RPRD2: variants seen among roughly 807,000 people sequenced by gnomAD.
The protein encoded by RPRD2 is regulation of nuclear pre-mRNA domain-containing protein 2.
Under a neutral mutation model 104.4 loss-of-function variants are expected in RPRD2, and 12 were observed. The observed-to-expected ratio is 0.11, with a 90% CI of 0.07 to 0.19. The LOEUF is 0.19. Among genes scored for constraint, RPRD2 ranks in the 10% least tolerant of loss-of-function variants. RPRD2 has a pLI of 1.00. For synonymous variants in RPRD2, 714 were observed against 684.9 expected (o/e 1.04, Z -0.66); for missense variants, 1,543 against 1,790.1 (o/e 0.86, Z 2.49).
At chr1:150,466,831 A>G in intron 10 of RPRD2, among the ~76,000 whole-genome samples, 1 of 152,174 alleles carries the variant, frequency 6.6e-6, no homozygotes, top group East Asian at 1.9e-4. Context: ...TAAGTACCGT[A>G]GTATAATTAT....
chr1:150,364,194 C>T lies in RPRD2; in HGVS notation c.-521C>T, dbSNP rs1659644294. The stretch of plus-strand genomic sequence containing the variant: ...TATTGCGTTGCAAAAAAAATCCTGA[C>T]TAGGTAGCCTTGGACCTTTTCTGTG... On this transcript the variant is annotated 5_prime_UTR_variant, in exon 1 of 11. Coordinates refer to ENST00000369068, the MANE Select transcript of RPRD2 (RefSeq NM_015203.5). 6.6e-6 allele frequency among the ~76,000 whole-genome samples: 1 copy of T among 152,208 alleles called. No homozygotes were observed. The highest frequency in any genetic ancestry group is 1.9e-4 in the East Asian group (1 of 5,178).
chr1:150,446,374 A>G lies in RPRD2; in HGVS notation c.843A>G (p.Gln281=), dbSNP rs1553895500. ...ATGCTGGAATTTTCTATGAAGCACAATACAAAGAAGTAAAAGTGGTGGCTA... is the reference window on the plus strand; with the variant it reads ...ATGCTGGAATTTTCTATGAAGCACAGTACAAAGAAGTAAAAGTGGTGGCTA... The part of the protein sequence containing the change: ...LENAGIFYEA[Q]YKEVKVVANA... The change falls in exon 7 of 11, where the codon CAA becomes CAG. Residue 281 remains glutamine, a synonymous_variant. Coordinates refer to ENST00000369068, the MANE Select transcript of RPRD2 (RefSeq NM_015203.5). 6.2e-7 allele frequency: 1 copy of G among 1,600,520 alleles called. No homozygotes were observed. The highest frequency in any genetic ancestry group is 1.1e-5 in the South Asian group (1 of 88,270).
chr1:150,441,054 T>G (rs1553894326), intron 3 of RPRD2, 31 bp downstream of exon 3: 1 of 1,115,888 alleles, frequency 9.0e-7, no homozygotes, highest in Non-Finnish European at 1.3e-6. Flanking sequence ...TAAAAGAAAA[T>G]TTTTGAGTCA....
intron 7 of RPRD2, among the ~76,000 whole-genome samples, chr1:150,455,513 G>A (rs1397316280): frequency 1.3e-5 from 2 of 149,010 alleles, no homozygotes; most frequent in South Asian, 2.1e-4. Flanking sequence ...AAAAAAAAAA[G>A]AAAGAAAGTC....
intron 2 of RPRD2, among the ~76,000 whole-genome samples, chr1:150,432,627 A>AT (rs1553892105): frequency 8.1e-6 from 1 of 123,928 alleles, no homozygotes; most frequent in African/African-American, 3.0e-5. Context: ...TAAGAAAATG[A>AT]TAAAAAAAAA....
At chr1:150,446,104 A>G in intron 6 of RPRD2, 122 bp from the exon 7 acceptor site, 3 of 576,234 alleles carry the variant, frequency 5.2e-6, no homozygotes, top group Non-Finnish European at 8.9e-6. Context: ...AGAGTATTAG[A>G]GTACTGCACA....
chr1:150,458,996 G>A (rs1376823603), intron 8 of RPRD2, among the ~76,000 whole-genome samples: 1 of 152,050 alleles, frequency 6.6e-6, no homozygotes, highest in African/African-American at 2.4e-5. Context: ...TACATATGTG[G>A]CATATGTGGC....
intron 6 of RPRD2, among the ~76,000 whole-genome samples, chr1:150,445,705 A>G (rs1553895361): frequency 6.6e-6 from 1 of 152,184 alleles, no homozygotes; most frequent in African/African-American, 2.4e-5. Context: ...GCAGGTTCAC[A>G]TGAGTCTGTT....
At position 150,457,455 on chromosome 1, in the gene RPRD2, C is replaced by T; in HGVS notation, c.1038C>T (p.Ser346=). Residue 346 remains serine (S), a synonymous_variant, in exon 8 of 11, where the codon TCC becomes TCT. Coordinates refer to ENST00000369068, the MANE Select transcript of RPRD2 (RefSeq NM_015203.5). ...SPFQGMGGEE[S]QSPTMESEKS... is the part of the protein sequence containing the mutation. ...TTCAGGGAATGGGAGGTGAGGAATC[C>T]CAGTCACCAACCATGGAGAGTGAGA... 6.2e-7 allele frequency: 1 copy of T among 1,613,826 alleles called. No homozygotes were observed. Among genetic ancestry groups the T allele is most frequent in the Non-Finnish European group, 8.5e-7 (1 of 1,179,834 alleles).
intron 2 of RPRD2, among the ~76,000 whole-genome samples, chr1:150,433,783 T>C (rs1275613816): frequency 6.7e-6 from 1 of 148,354 alleles, no homozygotes; most frequent in East Asian, 1.9e-4. Flanking sequence ...AGTTTTACAC[T>C]GGGAAGTTAG....
rs1553881150 is a variant in RPRD2 at position 150,383,306 on chromosome 1, G to GGT, written c.205+18387_205+18388insGT. On this transcript the variant is annotated intron_variant, in intron 1 of 10. Transcript: ENST00000369068. ...CACGAGACCTGGCCTCAAATAAGAG[G>GGT]TTTTTTTTTTTTTTTTTTTTGGTGA... Among the ~76,000 whole-genome samples the GGT allele has an allele frequency of 1.0e-3, 130 of 126,758 alleles. 1 individual carries two copies. The highest frequency in any genetic ancestry group is 1.1e-3 in the African/African-American group (36 of 32,020). 83.2% of individuals were successfully genotyped at this position (126,758 alleles called of 152,430 possible). A position where few individuals can be genotyped will look rare whatever the true frequency, so the allele number is the denominator to read the frequency against.
chr1:150,434,832 AAAAG>A (rs35936914), intron 2 of RPRD2, among the ~76,000 whole-genome samples: 13,046 of 152,194 alleles, frequency 0.086, 675 homozygotes, highest in African/African-American at 0.11. Flanking sequence ...ATAGAAATAA[AAAAG>A]AAAGAAAGGA....
intron 2 of RPRD2, among the ~76,000 whole-genome samples, chr1:150,422,610 A>G (rs1385538363): frequency 6.6e-6 from 1 of 152,138 alleles, no homozygotes; most frequent in Non-Finnish European, 1.5e-5. Context: ...TATGAGCCCA[A>G]CATTAACATA....
At chr1:150,384,394 C>T (rs1279728667) in intron 1 of RPRD2, among the ~76,000 whole-genome samples, 2 of 151,158 alleles carry the variant, frequency 1.3e-5, no homozygotes, top group African/African-American at 4.9e-5. Context: ...CCAGAAGGCA[C>T]GCATGCATAG....
At chr1:150,408,983 T>C (rs1553887175) in intron 1 of RPRD2, 1 of 114,470 alleles carries the variant, frequency 8.7e-6, no homozygotes, top group Non-Finnish European at 1.9e-5. Flanking sequence ...CTGTAAAGAC[T>C]ACATGGATTG....
chr1:150,464,701 A>G lies in RPRD2; in HGVS notation c.1586A>G (p.Gln529Arg), dbSNP rs1668153466. Residue 529 changes from glutamine (Q) to arginine (R), a missense_variant, in exon 10 of 11, where the codon CAG (glutamine) becomes CGG (arginine). Around this residue, in one of 4 missense-constraint regions of RPRD2, gnomAD observed 572 missense variants for 787.3 expected, o/e 0.73. Transcript: ENST00000369068. ...ESILSALSKT[Q>R]TQSAPALQGL... ...ATTCTGTCTGCACTTTCCAAAACCC[A>G]GACACAGTCAGCCCCTGCACTGCAA... 6.2e-7 allele frequency: 1 copy of G among 1,612,910 alleles called. No homozygotes were observed. The highest frequency in any genetic ancestry group is 8.5e-7 in the Non-Finnish European group (1 of 1,179,416).
intron 1 of RPRD2, among the ~76,000 whole-genome samples, chr1:150,385,212 A>G (rs1227830759): frequency 6.6e-6 from 1 of 152,182 alleles, no homozygotes; most frequent in Non-Finnish European, 1.5e-5. Flanking sequence ...CTGTAATCCC[A>G]GCACTTTGGG....
intron 1 of RPRD2, among the ~76,000 whole-genome samples, chr1:150,393,482 TA>T (rs1662255294): frequency 2.8e-5 from 3 of 106,886 alleles, no homozygotes; most frequent in Admixed American, 9.5e-5. Flanking sequence ...AAAAAACCAA[TA>T]AAAAAAACAT....
intron 9 of RPRD2, among the ~76,000 whole-genome samples, chr1:150,462,301 C>G (rs1458080218): frequency 6.6e-6 from 1 of 151,540 alleles, no homozygotes; most frequent in East Asian, 2.0e-4. Context: ...AAAAATTCGC[C>G]AGCTGTGGTG....
Sources: allele counts gnomAD v4.1 joint callset (sites outside exome capture counted in the v4.1 genomes callset), GRCh38; gene constraint gnomAD v4.1.1; regional missense constraint gnomAD v4.1.1; transcripts MANE v1.5; gene names NCBI Gene and HGNC (gene_info 2026-07-23, HGNC 2026-07-21).